Variants in ABCA1 observed in about 807,000 individuals in gnomAD.
ABCA1 encodes ATP binding cassette subfamily A member 1.
Under a neutral mutation model 262.5 loss-of-function variants are expected in ABCA1, and 133 were observed. The ratio of observed to expected loss-of-function variants is 0.51; its 90% confidence interval spans 0.44 to 0.59. ABCA1 has a LOEUF of 0.59. Among genes scored for constraint, ABCA1 ranks in the 20% least tolerant of loss-of-function variants. The probability of loss-of-function intolerance (pLI) is 0.00; values close to 1 mark genes in which losing one functional copy is unlikely to be tolerated. For synonymous variants in ABCA1, 1,022 were observed against 1,043.5 expected (o/e 0.98, Z 0.40); for missense variants, 2,452 against 2,777.5 (o/e 0.88, Z 2.63).
Position 104,914,255 on chromosome 9 carries a change from T to C in ABCA1, c.-92-10484A>G, listed in dbSNP as rs566299733. Among the ~76,000 whole-genome samples the C allele has an allele frequency of 1.6e-4, 24 of 151,634 alleles. No homozygotes were observed. In the East Asian group the frequency reaches 4.8e-3, roughly 30 times the overall value. On this transcript the variant is annotated intron_variant, in intron 1 of 49. Coordinates refer to ENST00000374736, the MANE Select transcript of ABCA1 (RefSeq NM_005502.4). ...CACTTTGGGAGGCTGAGGCAGGTGA[T>C]CACCTGAGGTCAGAAGTTCGAGACC...
Position 104,812,717 on chromosome 9 carries a change from T to C in ABCA1, c.3907A>G (p.Arg1303Gly), listed in dbSNP as rs763005471. The change falls in exon 28 of 50, where the codon AGA (arginine) becomes GGA (glycine). Residue 1303 changes from arginine (R) to glycine (G), a missense_variant. Physicochemically the swap from Arg to Gly is moderately radical, Grantham distance 125 (BLOSUM62 -2). Around this residue, in one of 4 missense-constraint regions of ABCA1, gnomAD observed 665 missense variants for 727.3 expected, o/e 0.91. Coordinates refer to ENST00000374736, the MANE Select transcript of ABCA1 (RefSeq NM_005502.4). Reference protein sequence around the residue: ...PNDSDIDPESRETDLLSGMDG... With the variant: ...PNDSDIDPESGETDLLSGMDG... Reference sequence around the variant, plus strand: ...ATCCCACTGAGCAAGTCTGTCTCTCTGGATTCTGCAAGAAGCCAACACTGA... The same window carrying C: ...ATCCCACTGAGCAAGTCTGTCTCTCCGGATTCTGCAAGAAGCCAACACTGA... The C allele has an allele frequency of 9.3e-6, 15 of 1,614,156 alleles. No individual in the cohort carries two copies. In the African/African-American group the frequency reaches 1.9e-4, roughly 20 times the overall value.
intron 1 of ABCA1, among the ~76,000 whole-genome samples, chr9:104,920,871 CATTAT>C (rs1404007133): frequency 6.6e-6 from 1 of 152,186 alleles, no homozygotes; most frequent in African/African-American, 2.4e-5. Flanking sequence ...ATAGGCCAAG[CATTAT>C]ATTATACGGT....
In ABCA1 at chr9:104,844,140, G is replaced by T. The variant is rs191985713; in HGVS notation, c.813+1337C>A. 9.1e-4 allele frequency among the ~76,000 whole-genome samples: 138 copies of T among 152,110 alleles called. 1 individual carries two copies. Among genetic ancestry groups the T allele is most frequent in the Admixed American group, 1.2e-3 (19 of 15,280 alleles). On this transcript the variant is annotated intron_variant, in intron 8 of 49. Transcript: ENST00000374736. Reference sequence around the variant, plus strand: ...CCCTGCTTTGCTTTCTCTAAGGCCAGAAATGAACAAGGGACAGAGGGCTGC... The same window carrying T: ...CCCTGCTTTGCTTTCTCTAAGGCCATAAATGAACAAGGGACAGAGGGCTGC...
At chr9:104,792,081 C>A in intron 42 of ABCA1, 83 bp from the exon 43 acceptor site, 1 of 1,201,332 alleles carries the variant, frequency 8.3e-7, no homozygotes, top group Non-Finnish European at 1.2e-6. Context: ...GGACTATAAA[C>A]CACATACACT....
chr9:104,912,833 AT>A lies in ABCA1; in HGVS notation c.-92-9063del, dbSNP rs200263605. ...ATTCTATGTCATAGAAAAAAAATCAATTTTTTTCAGTCACAATCATAACACC... is the reference window on the plus strand; with the variant it reads ...ATTCTATGTCATAGAAAAAAAATCAATTTTTTCAGTCACAATCATAACACC... On this transcript the variant is annotated intron_variant, in intron 1 of 49. Transcript: ENST00000374736. Among the ~76,000 whole-genome samples the A allele has an allele frequency of 8.2e-3, 1,247 of 152,206 alleles. 15 individuals are homozygous for A. The highest frequency in any genetic ancestry group is 0.029 in the African/African-American group (1,198 of 41,522).
chr9:104,900,024 C>T (rs73664374), intron 2 of ABCA1, among the ~76,000 whole-genome samples: 1 of 152,092 alleles, frequency 6.6e-6, no homozygotes, highest in Non-Finnish European at 1.5e-5. Flanking sequence ...ACAGAAACAG[C>T]GGAAAACTAA....
At chr9:104,884,664 G>A (rs947140742) in intron 3 of ABCA1, 96 bp from the exon 4 acceptor site, 65 of 1,424,114 alleles carry the variant, frequency 4.6e-5, no homozygotes, top group African/African-American at 7.0e-5. Context: ...TGCCAAGTCT[G>A]TCCGTCCCAT....
chr9:104,868,054 C>T (rs1837244624), intron 5 of ABCA1, among the ~76,000 whole-genome samples: 1 of 152,166 alleles, frequency 6.6e-6, no homozygotes, highest in African/African-American at 2.4e-5. Context: ...ATACTTTCCC[C>T]CCTATTTAAA....
Position 104,861,660 on chromosome 9 carries a change from G to T in ABCA1, c.543+19C>A. The stretch of plus-strand genomic sequence containing the variant: ...AATTGCCATCAGCCCTACTGAGGAA[G>T]CTGGAGGCATCAGCTTACCTTGTGG... On this transcript the variant is annotated intron_variant, in intron 6 of 49. Transcript: ENST00000374736. 6.2e-7 allele frequency: 1 copy of T among 1,614,126 alleles called. No homozygotes were observed. Among genetic ancestry groups the T allele is most frequent in the Non-Finnish European group, 8.5e-7 (1 of 1,180,022 alleles).
rs1829872802 is a variant in ABCA1, at chr9:104,796,077, A to G, written c.5358T>C (p.Phe1786=). The change falls in exon 39 of 50, where the codon TTT becomes TTC. Residue 1786 remains phenylalanine (F), a synonymous_variant. Transcript: ENST00000374736. ...FIGINGSVAT[F]VLELFTDNKL... Reference sequence around the variant, plus strand: ...CATTGTCGGTGAACAGCTCCAGCACAAAGGTGGCCACGCTGCCATTAATGC... The same window carrying G: ...CATTGTCGGTGAACAGCTCCAGCACGAAGGTGGCCACGCTGCCATTAATGC... 6.2e-7 allele frequency: 1 copy of G among 1,612,880 alleles called. No individual in the cohort carries two copies. Among genetic ancestry groups the G allele is most frequent in the Admixed American group, 1.7e-5 (1 of 60,006 alleles).
rs182306298 is a variant in ABCA1 at position 104,903,987 on chromosome 9, A to G, written c.-92-216T>C. ...GTGTTCCGACAGCAGGCTAGGAGCT[A>G]CGTGTTATGGTCCTAATCATTTTAG... is the stretch of plus-strand genomic sequence containing the variant. On this transcript the variant is annotated intron_variant, in intron 1 of 49. Transcript: ENST00000374736. Among the ~76,000 whole-genome samples the G allele has an allele frequency of 2.5e-3, 381 of 152,360 alleles. 2 individuals are homozygous for G. Among genetic ancestry groups the G allele is most frequent in the South Asian group, 0.019 (91 of 4,828 alleles).
chr9:104,843,076 G>A (rs1319868507), intron 8 of ABCA1, among the ~76,000 whole-genome samples: 1 of 152,138 alleles, frequency 6.6e-6, no homozygotes, highest in African/African-American at 2.4e-5. Flanking sequence ...TCACCTTAGA[G>A]AGAGCTTTCC....
At chr9:104,903,520 C>G (rs1291937207) in intron 2 of ABCA1, 94 bp downstream of exon 2, 5 of 1,310,970 alleles carry the variant, frequency 3.8e-6, no homozygotes, top group South Asian at 3.8e-5. Flanking sequence ...AAAACCAACA[C>G]AGCTTCCTTC....
At chr9:104,903,588 C>A in intron 2 of ABCA1, 26 bp downstream of exon 2, 1 of 1,568,064 alleles carries the variant, frequency 6.4e-7, no homozygotes, top group Non-Finnish European at 8.7e-7. Flanking sequence ...GAGAGAACCC[C>A]CCGCTGCTGA....
In ABCA1 at chr9:104,798,413, G is replaced by A; in HGVS notation, c.5121+8C>T. On this transcript the variant is annotated splice_region_variant and intron_variant, in intron 37 of 49. Transcript: ENST00000374736. ...CATCAGAAAGATACAGCAGGCCTGT[G>A]TCCTTACCATATCCCAGACAAAATT... is the stretch of plus-strand genomic sequence containing the variant. 6.2e-7 allele frequency: 1 copy of A among 1,614,018 alleles called. No homozygotes were observed. Among genetic ancestry groups the A allele is most frequent in the African/African-American group, 1.3e-5 (1 of 75,026 alleles).
chr9:104,871,050 C>A (rs894471296), intron 5 of ABCA1, among the ~76,000 whole-genome samples: 7 of 152,160 alleles, frequency 4.6e-5, no homozygotes, highest in Non-Finnish European at 5.9e-5. Flanking sequence ...CGTATATGTG[C>A]AAGTCACAGG....
chr9:104,818,541 A>G (rs1238641486), intron 23 of ABCA1, 122 bp downstream of exon 23: 2 of 936,076 alleles, frequency 2.1e-6, no homozygotes, highest in African/African-American at 1.6e-5. Context: ...CAAAGGGGCA[A>G]CAGAGCAGGG....
Position 104,824,702 on chromosome 9 carries a change from G to A in ABCA1, c.2543-124C>T. 5.2e-6 allele frequency: 6 copies of A among 1,159,642 alleles called. No individual in the cohort carries two copies. The South Asian group carries it at 6.6e-5, about 13-fold the overall frequency. 71.8% of individuals were successfully genotyped at this position (1,159,642 alleles called of 1,614,324 possible). A position where few individuals can be genotyped will look rare whatever the true frequency, so the allele number is the denominator to read the frequency against. ...GAAGGAACAGATTTGAATGGATGTG[G>A]GGAAAGAGGGAGCTAACATTTGCTG... On this transcript the variant is annotated intron_variant, in intron 17 of 49. Coordinates refer to ENST00000374736, the MANE Select transcript of ABCA1 (RefSeq NM_005502.4).
intron 45 of ABCA1, 66 bp from the exon 46 acceptor site, chr9:104,788,120 T>TGTCCTAC: frequency 6.6e-7 from 1 of 1,518,992 alleles, no homozygotes; most frequent in Non-Finnish European, 9.1e-7. Flanking sequence ...GTCCTACACA[T>TGTCCTAC]ACATGTATGA....
Sources: gnomAD v4.1 joint callset for allele counts (sites outside exome capture counted in the v4.1 genomes callset) on GRCh38, gnomAD v4.1.1 for gene constraint, gnomAD v4.1.1 regional missense constraint, MANE v1.5 for transcripts, NCBI Gene and HGNC (gene_info 2026-07-23, HGNC 2026-07-21) for gene names.